The following ADRA1A variants were observed in gnomAD, a reference collection of about 807,000 sequenced individuals.
The protein encoded by ADRA1A is alpha-1A adrenergic receptor.
In ADRA1A, 31 loss-of-function variants were observed where a neutral mutation model predicts 29.6. That is an observed-to-expected ratio of 1.05 (90% CI 0.79 to 1.41). The LOEUF is 1.41. Ranked by LOEUF, ADRA1A falls within the 40% of genes most tolerant of loss-of-function variation. The pLI, the probability that ADRA1A is intolerant of heterozygous loss-of-function variation, is 0.00. For missense variants in ADRA1A, 619 were observed against 601.1 expected (o/e 1.03, Z -0.31); for synonymous variants, 311 against 254.3 (o/e 1.22, Z -2.12).
chr8:26,772,699 G>T (rs1806260957), intron 2 of ADRA1A, among the ~76,000 whole-genome samples: 1 of 152,090 alleles, frequency 6.6e-6, no homozygotes, highest in African/African-American at 2.4e-5. Context: ...ATCCACTCTG[G>T]CAAACAGTGC....
Position 26,864,433 on chromosome 8 carries a change from G to C in ADRA1A, c.537C>G (p.Asn179Lys). The change falls in exon 2 of 3, where the codon AAC becomes AAG. Residue 179 changes from asparagine (N) to lysine (K), a missense_variant. Asn to Lys is a moderately conservative substitution (Grantham distance 94, BLOSUM62 0). Transcript: ENST00000380573. This position sits in a 1 kb window ranked among gnomAD's most constrained non-coding sequence, Gnocchi z 8.1. ...APEDETICQI[N>K]EEPGYVLFSA... ...AGAAGAGCACGTAGCCCGGCTCCTCGTTGATCTGGCAGATGGTCTCGTCCT... is the reference window on the plus strand; with the variant it reads ...AGAAGAGCACGTAGCCCGGCTCCTCCTTGATCTGGCAGATGGTCTCGTCCT... The C allele has an allele frequency of 1.9e-6, 3 of 1,613,472 alleles. No individual in the cohort carries two copies. The highest frequency in any genetic ancestry group is 2.5e-6 in the Non-Finnish European group (3 of 1,180,040).
intron 2 of ADRA1A, among the ~76,000 whole-genome samples, chr8:26,851,690 A>G (rs1196508973): frequency 1.3e-5 from 2 of 152,202 alleles, no homozygotes; most frequent in Non-Finnish European, 2.9e-5. Context: ...CAAAAAGTCT[A>G]TCTTTAAATG....
At chr8:26,755,569 T>G (rs1431708574), downstream of ADRA1A, among the ~76,000 whole-genome samples, 1 of 152,122 alleles carries the variant, frequency 6.6e-6, no homozygotes, top group Non-Finnish European at 1.5e-5. Flanking sequence ...TTGGCACAGA[T>G]TCCTCCCTTC....
chr8:26,751,670 C>A (rs745611893), downstream of ADRA1A, among the ~76,000 whole-genome samples: 14 of 152,188 alleles, frequency 9.2e-5, no homozygotes, highest in Admixed American at 6.5e-5. Context: ...TGGATGGACA[C>A]TTTTGCTGTT....
chr8:26,837,902 A>G (rs1811505848), intron 2 of ADRA1A, among the ~76,000 whole-genome samples: 1 of 152,220 alleles, frequency 6.6e-6, no homozygotes, highest in Non-Finnish European at 1.5e-5. Context: ...ATCTCAATAC[A>G]TTACTTTAGT....
intron 2 of ADRA1A, among the ~76,000 whole-genome samples, chr8:26,845,589 C>T (rs1812142473): frequency 6.6e-6 from 1 of 152,076 alleles, no homozygotes; most frequent in African/African-American, 2.4e-5. Flanking sequence ...TAGGGGTATA[C>T]CTAAAAGAAC....
intron 2 of ADRA1A, among the ~76,000 whole-genome samples, chr8:26,809,786 C>T (rs1223034021): frequency 6.6e-6 from 1 of 152,270 alleles, no homozygotes; most frequent in Admixed American, 6.5e-5. Flanking sequence ...ATTGATTTAG[C>T]CTCAATAAAT....
At chr8:26,829,038 G>T (rs1244321669) in intron 2 of ADRA1A, among the ~76,000 whole-genome samples, 1 of 152,166 alleles carries the variant, frequency 6.6e-6, no homozygotes, top group African/African-American at 2.4e-5. Context: ...GCTGGTGTGT[G>T]ATAATTTTGT....
chr8:26,765,934 C>A, downstream of ADRA1A: 1 of 1,491,756 alleles, frequency 6.7e-7, no homozygotes. Context: ...CCTACTGGGC[C>A]AGAAGGTTGG....
At chr8:26,781,808 T>A (rs1390132973) in intron 2 of ADRA1A, among the ~76,000 whole-genome samples, 1 of 152,134 alleles carries the variant, frequency 6.6e-6, no homozygotes, top group African/African-American at 2.4e-5. Flanking sequence ...CCAAAACTGA[T>A]CTCCCAAGGA....
At chr8:26,795,154 G>T (rs574831921) in intron 2 of ADRA1A, among the ~76,000 whole-genome samples, 1 of 151,968 alleles carries the variant, frequency 6.6e-6, no homozygotes, top group Non-Finnish European at 1.5e-5. Context: ...CTGATTCCAG[G>T]TCTGGCCAGG....
rs1810318515 is a variant in ADRA1A at position 26,823,346 on chromosome 8, C to T, written c.883+40741G>A. On this transcript the variant is annotated intron_variant, in intron 2 of 2. Coordinates refer to ENST00000380573, the MANE Select transcript of ADRA1A (RefSeq NM_000680.4). This position sits in a 1 kb window ranked among gnomAD's most constrained non-coding sequence, Gnocchi z 4.2. ...CATCTGCTTCCTCATGGAGCACAGC[C>T]TCACAGAATTCATCATCAAGATAGG... Among the ~76,000 whole-genome samples the T allele has an allele frequency of 6.6e-6, 1 of 152,104 alleles. No homozygotes were observed. Among genetic ancestry groups the T allele is most frequent in the South Asian group, 2.1e-4 (1 of 4,820 alleles).
chr8:26,756,713 C>T, exon 3 of ADRA1A: 1 of 1,614,042 alleles, frequency 6.2e-7, no homozygotes, highest in Non-Finnish European at 8.5e-7. Context: ...TTCATGCTCC[C>T]CTTCCTTGGG....
At chr8:26,750,460 C>A (rs1410121517) in intron 2 of ADRA1A, among the ~76,000 whole-genome samples, 1 of 152,124 alleles carries the variant, frequency 6.6e-6, no homozygotes, top group Non-Finnish European at 1.5e-5. Context: ...CCTCGGCCTC[C>A]GAACGTGCTG....
chr8:26,812,637 A>C (rs1027885328), intron 2 of ADRA1A, among the ~76,000 whole-genome samples: 8 of 149,170 alleles, frequency 5.4e-5, no homozygotes, highest in Non-Finnish European at 7.4e-5. Context: ...ATTTTTATTT[A>C]TTTATTTATT....
intron 2 of ADRA1A, among the ~76,000 whole-genome samples, chr8:26,862,560 G>A (rs1361922045): frequency 3.3e-5 from 5 of 152,188 alleles, no homozygotes; most frequent in Non-Finnish European, 4.4e-5. Context: ...GCATGAATAC[G>A]TGTGCAAAGG....
intron 2 of ADRA1A, among the ~76,000 whole-genome samples, chr8:26,751,154 G>A (rs897096028): frequency 6.6e-6 from 1 of 151,904 alleles, no homozygotes. Flanking sequence ...GGCCTGCAGT[G>A]TGGTATGTGA....
chr8:26,779,532 C>T, intron 2 of ADRA1A: 2 of 598,534 alleles, frequency 3.3e-6, no homozygotes, highest in Non-Finnish European at 3.0e-6. Flanking sequence ...GGGAAAACAG[C>T]CCATGACAAG....
chr8:26,833,714 C>T (rs918404333), intron 2 of ADRA1A, among the ~76,000 whole-genome samples: 1 of 152,248 alleles, frequency 6.6e-6, no homozygotes, highest in African/African-American at 2.4e-5. Flanking sequence ...ATATTTTCCT[C>T]AAGACTGTCT....
Sources: allele counts gnomAD v4.1 joint callset (sites outside exome capture counted in the v4.1 genomes callset), GRCh38; gene constraint gnomAD v4.1.1; non-coding constraint Gnocchi (gnomAD v3.1); transcripts MANE v1.5; gene names NCBI Gene and HGNC (gene_info 2026-07-23, HGNC 2026-07-21).